Variants in MGMT observed in about 807,000 individuals in gnomAD.
The protein encoded by MGMT is O-6-methylguanine-DNA methyltransferase, also known as methylated-DNA--protein-cysteine methyltransferase.
Under a neutral mutation model 15.9 loss-of-function variants are expected in MGMT, and 14 were observed. The observed-to-expected ratio is 0.88, with a 90% CI of 0.58 to 1.37. MGMT has a LOEUF of 1.37. Among genes scored for constraint, MGMT ranks in the 40% most tolerant of loss-of-function variants. The pLI is 0.00. For missense variants in MGMT, 282 were observed against 268.1 expected (o/e 1.05, Z -0.36); for synonymous variants, 130 against 118.2 (o/e 1.10, Z -0.65).
At chr10:129,611,281 G>T (rs1846956538) in intron 2 of MGMT, among the ~76,000 whole-genome samples, 1 of 152,184 alleles carries the variant, frequency 6.6e-6, no homozygotes, top group Admixed American at 6.5e-5. Flanking sequence ...AGAGGCCTCA[G>T]GAAACTTACA....
intron 2 of MGMT, among the ~76,000 whole-genome samples, chr10:129,567,464 G>A (rs376281106): frequency 2.6e-5 from 4 of 152,082 alleles, no homozygotes; most frequent in Admixed American, 6.5e-5. Flanking sequence ...GAGGGGTCCC[G>A]GCGAGAAAGA....
intron 1 of MGMT, among the ~76,000 whole-genome samples, chr10:129,481,175 G>A (rs757771260): frequency 2.6e-5 from 4 of 152,318 alleles, no homozygotes; most frequent in Admixed American, 2.0e-4. Flanking sequence ...TTCACCGTGC[G>A]GTGTGTGGTC....
intron 2 of MGMT, among the ~76,000 whole-genome samples, chr10:129,649,229 G>C (rs1361194625): frequency 1.3e-5 from 2 of 152,152 alleles, no homozygotes; most frequent in Non-Finnish European, 1.5e-5. Context: ...TTGCAGCCAG[G>C]TCATCTCAGG....
At chr10:129,582,206 C>CGTG (rs764551931) in intron 2 of MGMT, among the ~76,000 whole-genome samples, 6 of 152,226 alleles carry the variant, frequency 3.9e-5, no homozygotes, top group Non-Finnish European at 5.9e-5. Context: ...CATGAATGTG[C>CGTG]GTGGACCCCG....
At chr10:129,645,537 G>C (rs533846441) in intron 2 of MGMT, among the ~76,000 whole-genome samples, 37 of 152,264 alleles carry the variant, frequency 2.4e-4, no homozygotes, top group African/African-American at 8.9e-4. Context: ...CTGTGGTCAG[G>C]CCTGTGCTTC....
At chr10:129,537,269 G>A (rs1312839256) in intron 2 of MGMT, 2 of 152,022 alleles carry the variant, frequency 1.3e-5, no homozygotes, top group Non-Finnish European at 2.9e-5. Context: ...GATTTTAATG[G>A]GCCCCTGTCC....
intron 3 of MGMT, among the ~76,000 whole-genome samples, chr10:129,741,450 A>G (rs546638989): frequency 4.6e-5 from 7 of 152,198 alleles, no homozygotes; most frequent in African/African-American, 1.4e-4. Context: ...GCTCCCCTGC[A>G]TGGGAAAGGA....
intron 1 of MGMT, among the ~76,000 whole-genome samples, chr10:129,484,567 T>C (rs145465773): frequency 1.3e-5 from 2 of 152,348 alleles, no homozygotes; most frequent in Non-Finnish European, 2.9e-5. Context: ...TCCCCTTGTT[T>C]TACGCATCTC....
chr10:129,564,785 C>T lies in MGMT; in HGVS notation c.125+28408C>T, dbSNP rs530899375. Among the ~76,000 whole-genome samples the T allele has an allele frequency of 4.6e-5, 7 of 151,556 alleles. No homozygotes were observed. The South Asian group carries it at 1.3e-3, about 27-fold the overall frequency. On this transcript the variant is annotated intron_variant, in intron 2 of 4. Transcript: ENST00000651593. The stretch of plus-strand genomic sequence containing the variant: ...CCTGCTGTATTCCTTCCTCACACGC[C>T]CCCCTCAGCCTCTTTTCTGGGGACT...
intron 4 of MGMT, among the ~76,000 whole-genome samples, chr10:129,760,911 A>G (rs965908920): frequency 2.6e-5 from 4 of 152,268 alleles, no homozygotes; most frequent in Admixed American, 6.5e-5. Flanking sequence ...ATTAATTGCA[A>G]TGTCTTCAGC....
At chr10:129,468,293 C>G (rs1169691306) in intron 1 of MGMT, among the ~76,000 whole-genome samples, 1 of 152,118 alleles carries the variant, frequency 6.6e-6, no homozygotes, top group African/African-American at 2.4e-5. Context: ...CAAAGCTTAG[C>G]GCACCTGGTG....
intron 3 of MGMT, among the ~76,000 whole-genome samples, chr10:129,740,074 T>C (rs1250515042): frequency 1.3e-5 from 2 of 152,172 alleles, no homozygotes; most frequent in Admixed American, 1.3e-4. Flanking sequence ...GTTTAAAACG[T>C]TGTGTATTTT....
At chr10:129,564,804 G>A (rs1846334881) in intron 2 of MGMT, among the ~76,000 whole-genome samples, 1 of 151,298 alleles carries the variant, frequency 6.6e-6, no homozygotes, top group African/African-American at 2.4e-5. Flanking sequence ...CCTCTTTTCT[G>A]GGGACTGGCT....
intron 1 of MGMT, among the ~76,000 whole-genome samples, chr10:129,520,384 A>G (rs1282443235): frequency 2.6e-5 from 4 of 152,146 alleles, no homozygotes; most frequent in Non-Finnish European, 4.4e-5. Flanking sequence ...CACGTGTCCT[A>G]AAGCATCTCC....
chr10:129,563,128 G>A (rs568565811), intron 2 of MGMT, among the ~76,000 whole-genome samples: 1 of 152,324 alleles, frequency 6.6e-6, no homozygotes, highest in South Asian at 2.1e-4. Context: ...GAACCATGGC[G>A]TTTGGTGTAT....
intron 1 of MGMT, among the ~76,000 whole-genome samples, chr10:129,506,685 A>G (rs1589840040): frequency 6.6e-6 from 1 of 152,258 alleles, no homozygotes; most frequent in Non-Finnish European, 1.5e-5. Context: ...AATCCGCTCT[A>G]TCCGAAAGAG....
intron 2 of MGMT, among the ~76,000 whole-genome samples, chr10:129,650,261 G>A (rs140021989): frequency 1.3e-5 from 2 of 152,252 alleles, no homozygotes; most frequent in East Asian, 1.9e-4. Context: ...TGCTTTGCAC[G>A]TTCGTAATTG....
intron 3 of MGMT, among the ~76,000 whole-genome samples, chr10:129,740,314 T>C (rs1476630488): frequency 6.6e-6 from 1 of 151,926 alleles, no homozygotes; most frequent in East Asian, 1.9e-4. Flanking sequence ...AGGTCCGGTG[T>C]TTTTAAAGCC....
intron 2 of MGMT, among the ~76,000 whole-genome samples, chr10:129,624,584 A>T (rs569444540): frequency 6.6e-6 from 1 of 152,242 alleles, no homozygotes; most frequent in East Asian, 1.9e-4. Flanking sequence ...CACAGGGAAG[A>T]CACGAAATAG....
Sources: allele counts gnomAD v4.1 joint callset (sites outside exome capture counted in the v4.1 genomes callset), GRCh38; gene constraint gnomAD v4.1.1; transcripts MANE v1.5; gene names NCBI Gene and HGNC (gene_info 2026-07-23, HGNC 2026-07-21).